Variants in CMYA5 observed in about 807,000 individuals in gnomAD.
CMYA5 encodes the protein cardiomyopathy-associated protein 5.
CMYA5 carries 246 observed loss-of-function variants against 318.9 expected under a neutral mutation model. That is an observed-to-expected ratio of 0.77 (90% CI 0.70 to 0.86). The LOEUF is 0.86. Among genes scored for constraint, CMYA5 ranks in the 40% least tolerant of loss-of-function variants. The probability of loss-of-function intolerance (pLI) is 0.00; values close to 1 mark genes in which losing one functional copy is unlikely to be tolerated. For synonymous variants in CMYA5, 1,641 were observed against 1,729.5 expected (o/e 0.95, Z 1.27); for missense variants, 4,589 against 4,678.2 (o/e 0.98, Z 0.56).
chr5:79,735,417 G>C lies in CMYA5; in HGVS notation c.6652G>C (p.Asp2218His), dbSNP rs1157547671. The change falls in exon 2 of 13, where the codon GAT becomes CAT. Residue 2218 changes from aspartate (D) to histidine (H), a missense_variant. Transcript: ENST00000446378. ...PSVEKAVTVI[D>H]PEGTIPTNFN... Reference sequence around the variant, plus strand: ...CGTAGAAAAAGCAGTGACTGTGATAGATCCTGAAGGTACAATTCCCACCAA... The same window carrying C: ...CGTAGAAAAAGCAGTGACTGTGATACATCCTGAAGGTACAATTCCCACCAA... 2 of 1,613,888 alleles carry C rather than the reference G, an allele frequency of 1.2e-6. No individual in the cohort carries two copies. Among genetic ancestry groups the C allele is most frequent in the South Asian group, 1.1e-5 (1 of 91,074 alleles).
chr5:79,717,348 A>G (rs772117675), intron 1 of CMYA5, among the ~76,000 whole-genome samples: 25 of 152,232 alleles, frequency 1.6e-4, no homozygotes, highest in Non-Finnish European at 2.9e-4. Context: ...ATTCCTGCTT[A>G]CAGAAAGTTT....
chr5:79,778,913 AT>A (rs1402427063), intron 9 of CMYA5, among the ~76,000 whole-genome samples: 7,457 of 86,292 alleles, frequency 0.086, 447 homozygotes, highest in East Asian at 0.26. Context: ...TTTTTTTTTA[AT>A]TTTTTTTTTT....
At chr5:79,757,958 G>A (rs968041584) in intron 6 of CMYA5, among the ~76,000 whole-genome samples, 5 of 152,200 alleles carry the variant, frequency 3.3e-5, no homozygotes, top group Admixed American at 1.3e-4. Context: ...AGCTGGGCGC[G>A]GTGGCTCACG....
chr5:79,769,342 G>A (rs985379500), intron 9 of CMYA5, among the ~76,000 whole-genome samples: 2 of 151,942 alleles, frequency 1.3e-5, no homozygotes, highest in East Asian at 1.9e-4. Flanking sequence ...TCCCTTGCTG[G>A]TGAGGACTTA....
chr5:79,756,577 G>A (rs1429435106), intron 6 of CMYA5, among the ~76,000 whole-genome samples: 1 of 152,060 alleles, frequency 6.6e-6, no homozygotes, highest in African/African-American at 2.4e-5. Flanking sequence ...TTTAACCTTG[G>A]GCCAGCCACT....
At chr5:79,758,635 T>C (rs1828580789) in intron 6 of CMYA5, 118 bp from the exon 7 acceptor site, 2 of 652,862 alleles carry the variant, frequency 3.1e-6, no homozygotes, top group East Asian at 7.0e-5. Flanking sequence ...AGAGCCCTTC[T>C]ACTTTTATAC....
At chr5:79,766,827 GT>G in intron 9 of CMYA5, among the ~76,000 whole-genome samples, 1 of 152,318 alleles carries the variant, frequency 6.6e-6, no homozygotes, top group East Asian at 1.9e-4. Context: ...CATAAAATGA[GT>G]TAGGGAGGAG....
intron 1 of CMYA5, among the ~76,000 whole-genome samples, chr5:79,702,398 T>C (rs1233219311): frequency 6.6e-6 from 1 of 152,166 alleles, no homozygotes; most frequent in Non-Finnish European, 1.5e-5. Flanking sequence ...AAAAAAGGGT[T>C]ATATTCATAC....
rs1224280218 is a variant in CMYA5, at chr5:79,734,315, T to G, written c.5550T>G (p.Gly1850=). ...CTTCTGAAGATAAACAAGATCTGGG[T>G]ATTAAGCAGTTTTCACTTATGAGAG... ...STSSEDKQDL[G]IKQFSLMREN... Residue 1850 remains glycine (G), a synonymous_variant, in exon 2 of 13, where the codon GGT becomes GGG. Transcript: ENST00000446378. 1 of 1,613,776 alleles carries G rather than the reference T, an allele frequency of 6.2e-7. No homozygotes were observed. Among genetic ancestry groups the G allele is most frequent in the Non-Finnish European group, 8.5e-7 (1 of 1,179,782 alleles).
chr5:79,712,037 A>G (rs960204252), intron 1 of CMYA5, among the ~76,000 whole-genome samples: 3 of 152,090 alleles, frequency 2.0e-5, no homozygotes, highest in African/African-American at 7.2e-5. Context: ...ACTCTCTCTT[A>G]GGTTTATCCA....
chr5:79,786,018 G>C (rs77679485), intron 9 of CMYA5, among the ~76,000 whole-genome samples: 1 of 152,168 alleles, frequency 6.6e-6, no homozygotes, highest in African/African-American at 2.4e-5. Flanking sequence ...CAGAGAAAGA[G>C]ACCATCTCTC....
At position 79,793,586 on chromosome 5, in the gene CMYA5, A is replaced by T. The variant is rs1829219778; in HGVS notation, c.11939A>T (p.Tyr3980Phe). 6.2e-7 allele frequency: 1 copy of T among 1,612,444 alleles called. No individual in the cohort carries two copies. Among genetic ancestry groups the T allele is most frequent in the South Asian group, 1.1e-5 (1 of 90,976 alleles). Reference sequence around the variant, plus strand: ...CTAGGACAAGGGGAGACCTCATGGTACATGCACTGCTCTGAGCCACAGAGG... The same window carrying T: ...CTAGGACAAGGGGAGACCTCATGGTTCATGCACTGCTCTGAGCCACAGAGG... Reference protein sequence around the residue: ...GALGQGETSWYMHCSEPQRYT... With the variant: ...GALGQGETSWFMHCSEPQRYT... The change falls in exon 12 of 13, where the codon TAC becomes TTC. Residue 3980 changes from tyrosine to phenylalanine, a missense_variant. Tyr to Phe is a conservative substitution (Grantham distance 22). Around this residue, in one of 3 missense-constraint regions of CMYA5, gnomAD observed 2,431 missense variants for 2,495.1 expected, o/e 0.97. Transcript: ENST00000446378.
rs1580770708 is a variant in CMYA5, at chr5:79,733,871, A to G, written c.5106A>G (p.Ser1702=). 7 of 1,613,562 alleles carry G rather than the reference A, an allele frequency of 4.3e-6. No homozygotes were observed. The highest frequency in any genetic ancestry group is 2.7e-5 in the African/African-American group (2 of 75,026). Residue 1702 remains serine, a synonymous_variant, in exon 2 of 13, where the codon TCA becomes TCG. Transcript: ENST00000446378. ...TGCCTGCAATTTCAGAGCTTTCATC[A>G]TTGCTTAGGGAGGAATCTCAGAATG... ...STMPAISELS[S]LLREESQNEE... is the part of the protein sequence containing the mutation.
intron 12 of CMYA5, among the ~76,000 whole-genome samples, chr5:79,794,697 A>G (rs1829244903): frequency 6.6e-6 from 1 of 152,138 alleles, no homozygotes; most frequent in African/African-American, 2.4e-5. Flanking sequence ...GCATTATTCA[A>G]ATGTAATCCT....
In CMYA5 at chr5:79,739,109, A is replaced by T; in HGVS notation, c.10344A>T (p.Glu3448Asp). The change falls in exon 2 of 13, where the codon GAA (glutamate) becomes GAT (aspartate). Residue 3448 changes from glutamate to aspartate, a missense_variant. By Grantham distance (45) the Glu-to-Asp change is conservative. Around this residue, in one of 3 missense-constraint regions of CMYA5, gnomAD observed 2,431 missense variants for 2,495.1 expected, o/e 0.97. Transcript: ENST00000446378. ...AACTGTCTTCAGAATCCACACCTGA[A>T]GATGTCTTATCTCAAGGAAAGGAAT... Reference protein sequence around the residue: ...SEELSSESTPEDVLSQGKESF... With the variant: ...SEELSSESTPDDVLSQGKESF... 2 of 1,613,914 alleles carry T rather than the reference A, an allele frequency of 1.2e-6. No homozygotes were observed. Among genetic ancestry groups the T allele is most frequent in the African/African-American group, 1.3e-5 (1 of 75,050 alleles).
In CMYA5 at chr5:79,730,427, A is replaced by C. The variant is rs572599993; in HGVS notation, c.1662A>C (p.Glu554Asp). 1 of 1,613,772 alleles carries C rather than the reference A, an allele frequency of 6.2e-7. No homozygotes were observed. The highest frequency in any genetic ancestry group is 1.1e-5 in the South Asian group (1 of 91,080). Residue 554 changes from glutamate to aspartate, a missense_variant, in exon 2 of 13, where the codon GAA becomes GAC. Coordinates refer to ENST00000446378, the MANE Select transcript of CMYA5 (RefSeq NM_153610.5). Reference protein sequence around the residue: ...EKPFPPHMSPEVEHKEEELIL... With the variant: ...EKPFPPHMSPDVEHKEEELIL... ...CCTTCCCACCACATATGTCCCCTGA[A>C]GTGGAGCACAAAGAAGAAGAGCTTA...
chr5:79,717,646 A>G (rs1561200327), intron 1 of CMYA5, among the ~76,000 whole-genome samples: 1 of 152,224 alleles, frequency 6.6e-6, no homozygotes, highest in Non-Finnish European at 1.5e-5. Context: ...TGGGAAGATA[A>G]CCAGGTTTCA....
In CMYA5 at chr5:79,753,201, C is replaced by T. The variant is rs28591665; in HGVS notation, c.11110+407C>T. Among the ~76,000 whole-genome samples, 358 of 152,116 alleles carry T rather than the reference C, an allele frequency of 2.4e-3. 2 individuals are homozygous for T. The highest frequency in any genetic ancestry group is 8.5e-3 in the African/African-American group (351 of 41,504). On this transcript the variant is annotated intron_variant, in intron 6 of 12. Transcript: ENST00000446378. ...GATTTCTCTTTATGAGTGGTTTTCC[C>T]CTCTTCAATTCAGTTCTTTTCCCCT... is the stretch of plus-strand genomic sequence containing the variant.
intron 1 of CMYA5, among the ~76,000 whole-genome samples, chr5:79,722,871 G>C (rs556393252): frequency 6.6e-5 from 10 of 151,848 alleles, no homozygotes; most frequent in African/African-American, 2.4e-4. Flanking sequence ...AGATGAAATA[G>C]ATAAATTCTT....
Sources: allele counts gnomAD v4.1 joint callset (sites outside exome capture counted in the v4.1 genomes callset), GRCh38; gene constraint gnomAD v4.1.1; regional missense constraint gnomAD v4.1.1; transcripts MANE v1.5; gene names NCBI Gene and HGNC (gene_info 2026-07-23, HGNC 2026-07-21).